Variants in BAIAP2L1 observed in about 807,000 individuals in gnomAD.
The protein encoded by BAIAP2L1 is BAR/IMD domain containing adaptor protein 2 like 1, also known as BAR/IMD domain-containing adapter protein 2-like 1.
BAIAP2L1 carries 35 observed loss-of-function variants against 66.3 expected under a neutral mutation model. The ratio of observed to expected loss-of-function variants is 0.53; its 90% CI spans 0.40 to 0.70. The LOEUF is 0.70. BAIAP2L1 is among the 30% of genes least tolerant of loss of function. The probability of loss-of-function intolerance (pLI) is 0.00; values close to 1 mark genes in which losing one functional copy is unlikely to be tolerated. For missense variants in BAIAP2L1, 622 were observed against 656.9 expected (o/e 0.95, Z 0.58); for synonymous variants, 269 against 248.7 (o/e 1.08, Z -0.77).
chr7:98,295,232 T>C (rs1454443217), intron 12 of BAIAP2L1, among the ~76,000 whole-genome samples: 1 of 152,128 alleles, frequency 6.6e-6, no homozygotes, highest in Non-Finnish European at 1.5e-5. Context: ...GCATGTTGGG[T>C]GTACAGGCTG....
chr7:98,325,955 T>A (rs994845343), intron 3 of BAIAP2L1, among the ~76,000 whole-genome samples: 2 of 152,150 alleles, frequency 1.3e-5, no homozygotes, highest in Admixed American at 1.3e-4. Context: ...CTGGACGCAG[T>A]TGGAAGTGAG....
rs1800900457 is a variant in BAIAP2L1, at chr7:98,312,207, TG to T, written c.696del (p.Ile233SerfsTer8). On this transcript the variant is annotated frameshift_variant, in exon 8 of 14. Transcript: ENST00000005260. LOFTEE classifies it high-confidence loss of function. ...TTCATGATTTTCTCTGGCACTTTGA[TG>T]GCATCAACACAGGTCTCCTGCCACC... ...LPRWQETCVD[A>X]IKVPEKIMNM... is the part of the protein sequence containing the mutation. 1 of 1,614,180 alleles carries T rather than the reference TG, an allele frequency of 6.2e-7. No homozygotes were observed. Among genetic ancestry groups the T allele is most frequent in the South Asian group, 1.1e-5 (1 of 91,086 alleles).
intron 3 of BAIAP2L1, among the ~76,000 whole-genome samples, chr7:98,352,233 T>C (rs1210422112): frequency 6.6e-6 from 1 of 152,106 alleles, no homozygotes; most frequent in East Asian, 1.9e-4. Context: ...ACCATGGAAT[T>C]GTTCGAAACG....
intron 3 of BAIAP2L1, among the ~76,000 whole-genome samples, chr7:98,349,317 G>A (rs1428221757): frequency 6.6e-6 from 1 of 152,168 alleles, no homozygotes; most frequent in Admixed American, 6.5e-5. Context: ...GACACATCCG[G>A]AGACCCGTGT....
intron 12 of BAIAP2L1, among the ~76,000 whole-genome samples, chr7:98,300,975 A>G (rs1320146814): frequency 6.6e-6 from 1 of 151,620 alleles, no homozygotes; most frequent in Admixed American, 6.6e-5. Context: ...CCTTGTCCTC[A>G]CCCCATGCAT....
Position 98,312,079 on chromosome 7 carries a change from G to T in BAIAP2L1, c.807+18C>A. ...GGAAACACACGATTGAAATCTGGAA[G>T]AGAAAACTGGCTCCTACCACATTGC... On this transcript the variant is annotated intron_variant, in intron 8 of 13. Coordinates refer to ENST00000005260, the MANE Select transcript of BAIAP2L1 (RefSeq NM_018842.5). 6.3e-7 allele frequency: 1 copy of T among 1,575,082 alleles called. No homozygotes were observed. Among genetic ancestry groups the T allele is most frequent in the Non-Finnish European group, 8.6e-7 (1 of 1,162,212 alleles).
At chr7:98,313,029 T>A (rs747518126) in intron 7 of BAIAP2L1, among the ~76,000 whole-genome samples, 3 of 152,092 alleles carry the variant, frequency 2.0e-5, no homozygotes, top group Non-Finnish European at 4.4e-5. Context: ...CACACTGCTT[T>A]TACTCAGCCT....
intron 1 of BAIAP2L1, among the ~76,000 whole-genome samples, chr7:98,394,525 T>C (rs1287137323): frequency 6.6e-6 from 1 of 152,174 alleles, no homozygotes; most frequent in Non-Finnish European, 1.5e-5. Flanking sequence ...GTGTTTACTT[T>C]AAAATTTTTT....
intron 1 of BAIAP2L1, among the ~76,000 whole-genome samples, chr7:98,395,205 C>T (rs1212381430): frequency 1.3e-5 from 2 of 150,674 alleles, no homozygotes; most frequent in South Asian, 2.1e-4. Context: ...TTTGGGAGGC[C>T]GAGGTGGGTG....
chr7:98,351,255 G>A (rs777863978), intron 3 of BAIAP2L1, among the ~76,000 whole-genome samples: 6 of 152,176 alleles, frequency 3.9e-5, no homozygotes, highest in African/African-American at 9.7e-5. Context: ...CACAAAAAAC[G>A]CGGAAGCACC....
intron 3 of BAIAP2L1, among the ~76,000 whole-genome samples, chr7:98,339,516 C>T (rs1420740734): frequency 6.6e-6 from 1 of 152,206 alleles, no homozygotes; most frequent in South Asian, 2.1e-4. Flanking sequence ...CCTGCACTAA[C>T]GAAGACTCTA....
chr7:98,347,849 A>G (rs1296301742), intron 3 of BAIAP2L1, among the ~76,000 whole-genome samples: 1 of 152,132 alleles, frequency 6.6e-6, no homozygotes, highest in East Asian at 1.9e-4. Flanking sequence ...AGGGACATGG[A>G]TGAAGCTGGA....
At chr7:98,387,521 A>G (rs996425450) in intron 1 of BAIAP2L1, among the ~76,000 whole-genome samples, 14 of 152,122 alleles carry the variant, frequency 9.2e-5, no homozygotes, top group Non-Finnish European at 2.1e-4. Flanking sequence ...TTAAAACACA[A>G]AATTCTTGAG....
intron 3 of BAIAP2L1, among the ~76,000 whole-genome samples, chr7:98,328,326 C>T (rs1049757280): frequency 2.6e-5 from 4 of 152,076 alleles, no homozygotes; most frequent in Non-Finnish European, 4.4e-5. Context: ...GACACGAAGA[C>T]GGGGCAAAGG....
At chr7:98,370,372 CAA>C (rs397890051) in intron 1 of BAIAP2L1, among the ~76,000 whole-genome samples, 2 of 103,356 alleles carry the variant, frequency 1.9e-5, no homozygotes, top group Admixed American at 1.1e-4. Context: ...GGCTCCGTCT[CAA>C]AAAAAAAAAA....
rs3801261 is a variant in BAIAP2L1 at position 98,342,994 on chromosome 7, G to A, written c.214+12048C>T. Among the ~76,000 whole-genome samples the A allele has an allele frequency of 7.8e-4, 119 of 151,874 alleles. 1 individual carries two copies. The East Asian group carries it at 0.019, about 24-fold the overall frequency. On this transcript the variant is annotated intron_variant, in intron 3 of 13. Transcript: ENST00000005260. ...TTAACCTTTATCACGTGTGATAAAGGATTTAACTTTATCACACGTGATAAA... is the reference window on the plus strand; with the variant it reads ...TTAACCTTTATCACGTGTGATAAAGAATTTAACTTTATCACACGTGATAAA...
intron 3 of BAIAP2L1, among the ~76,000 whole-genome samples, chr7:98,326,159 C>T (rs576037828): frequency 1.3e-5 from 2 of 152,278 alleles, no homozygotes; most frequent in South Asian, 4.1e-4. Context: ...TGCCTGTGGT[C>T]CCAGCTACTC....
chr7:98,400,849 A>G lies in BAIAP2L1; in HGVS notation c.4T>C (p.Ser2Pro). M[S>P]RGPEEVNRLT... ...CGGTTCACCTCCTCGGGCCCCCGGG[A>G]CATGGCTGCGGCCGCCGGGCGAGCA... The change falls in exon 1 of 14, where the codon TCC becomes CCC. Residue 2 changes from serine (S) to proline (P), a missense_variant. Coordinates refer to ENST00000005260, the MANE Select transcript of BAIAP2L1 (RefSeq NM_018842.5). 1.9e-6 allele frequency: 3 copies of G among 1,541,730 alleles called. No homozygotes were observed. Among genetic ancestry groups the G allele is most frequent in the Non-Finnish European group, 2.6e-6 (3 of 1,143,006 alleles).
rs555251365 is a variant in BAIAP2L1, at chr7:98,382,384, G to A, written c.51+18418C>T. 8.5e-5 allele frequency among the ~76,000 whole-genome samples: 13 copies of A among 152,150 alleles called. No individual in the cohort carries two copies. In the South Asian group the frequency reaches 2.3e-3, roughly 27 times the overall value. On this transcript the variant is annotated intron_variant, in intron 1 of 13. Coordinates refer to ENST00000005260, the MANE Select transcript of BAIAP2L1 (RefSeq NM_018842.5). ...ATTTCAGCCAGGTACAGTGGCTCACGCCTGTAATCCCAGCACTTTGGGAAG... is the reference window on the plus strand; with the variant it reads ...ATTTCAGCCAGGTACAGTGGCTCACACCTGTAATCCCAGCACTTTGGGAAG...
Sources: gnomAD v4.1 joint callset for allele counts (sites outside exome capture counted in the v4.1 genomes callset) on GRCh38, gnomAD v4.1.1 for gene constraint, MANE v1.5 for transcripts, NCBI Gene and HGNC (gene_info 2026-07-23, HGNC 2026-07-21) for gene names.